MYT1L: variants seen among roughly 807,000 people sequenced by gnomAD.
The protein encoded by MYT1L is myelin transcription factor 1 like, also known as myelin transcription factor 1-like protein.
In MYT1L, 12 loss-of-function variants were observed where a neutral mutation model predicts 126.7. That is an observed-to-expected ratio of 0.09 (90% CI 0.06 to 0.15). MYT1L has a LOEUF of 0.15. Ranked by LOEUF, MYT1L falls within the 10% of genes least tolerant of loss-of-function variation. The pLI is 1.00. For missense variants in MYT1L, 979 were observed against 1,585.2 expected, an observed-to-expected ratio of 0.62 and a Z score of 6.49; for synonymous variants, 541 against 604.2, an observed-to-expected ratio of 0.90 and a Z score of 1.53.
chr2:2,295,565 C>G (rs796291323), intron 1 of MYT1L, among the ~76,000 whole-genome samples: 22 of 33,846 alleles, frequency 6.5e-4, no homozygotes, highest in African/African-American at 1.3e-3. Context: ...GACAGACAGA[C>G]AGAGAGAGAG....
At chr2:1,861,829 TCC>T (rs2044680267) in intron 18 of MYT1L, among the ~76,000 whole-genome samples, 1 of 152,104 alleles carries the variant, frequency 6.6e-6, no homozygotes, top group Non-Finnish European at 1.5e-5. Flanking sequence ...GCCTGTGTAA[TCC>T]TGGATCCGCC....
At chr2:2,289,254 T>C (rs1043941902) in intron 1 of MYT1L, among the ~76,000 whole-genome samples, 3 of 152,190 alleles carry the variant, frequency 2.0e-5, no homozygotes, top group Non-Finnish European at 4.4e-5. Context: ...TACGTTGAAG[T>C]TTTATTGCAT....
At chr2:2,197,638 C>T (rs1017355331) in intron 2 of MYT1L, among the ~76,000 whole-genome samples, 12 of 150,410 alleles carry the variant, frequency 8.0e-5, no homozygotes, top group Admixed American at 3.3e-4. Flanking sequence ...CACACACACA[C>T]GCATACAACG....
At chr2:1,849,603 C>T (rs1042738523) in intron 19 of MYT1L, among the ~76,000 whole-genome samples, 5 of 152,202 alleles carry the variant, frequency 3.3e-5, no homozygotes, top group African/African-American at 7.2e-5. Context: ...CCAGGGGTGC[C>T]GCACAGGTCC....
intron 2 of MYT1L, among the ~76,000 whole-genome samples, chr2:2,205,805 T>C (rs1360475642): frequency 6.6e-6 from 1 of 152,110 alleles, no homozygotes; most frequent in African/African-American, 2.4e-5. Flanking sequence ...TCTCTTCACA[T>C]ATGGGTTAAA....
chr2:1,867,018 TG>T (rs975054645), intron 18 of MYT1L, among the ~76,000 whole-genome samples: 1 of 34,904 alleles, frequency 2.9e-5, no homozygotes, highest in African/African-American at 1.2e-4. Flanking sequence ...TAGAGAGGGA[TG>T]GGGGAGAGAG....
intron 2 of MYT1L, among the ~76,000 whole-genome samples, chr2:2,236,379 C>A (rs527923572): frequency 1.3e-5 from 2 of 148,678 alleles, no homozygotes; most frequent in African/African-American, 5.0e-5. Context: ...CATCCCAACC[C>A]ACCCCAGTAC....
At chr2:1,931,060 C>T (rs1274126350) in intron 9 of MYT1L, among the ~76,000 whole-genome samples, 3 of 152,192 alleles carry the variant, frequency 2.0e-5, no homozygotes, top group Non-Finnish European at 1.5e-5. Flanking sequence ...CCTGTCTGCA[C>T]ACACCCTGCA....
At position 1,848,642 on chromosome 2, in the gene MYT1L, T is replaced by G. The variant is rs2148493739; in HGVS notation, c.2774+2999A>C. Among the ~76,000 whole-genome samples the G allele has an allele frequency of 6.6e-6, 1 of 152,344 alleles. No individual in the cohort carries two copies. Among genetic ancestry groups the G allele is most frequent in the Middle Eastern group, 3.4e-3 (1 of 294 alleles). ...TAACATGAAAAGAAGTTCCTCCTAC[T>G]TGCATTTCTGGCCACCAAGAGCCAA... is the stretch of plus-strand genomic sequence containing the variant. On this transcript the variant is annotated intron_variant, in intron 19 of 24. Transcript: ENST00000647738. This position sits in a 1 kb window ranked among gnomAD's most constrained non-coding sequence, Gnocchi z 4.8.
chr2:2,303,228 T>A (rs1356653575), intron 1 of MYT1L, among the ~76,000 whole-genome samples: 1 of 152,220 alleles, frequency 6.6e-6, no homozygotes, highest in East Asian at 1.9e-4. Context: ...AAAAGACTTG[T>A]TGAAAAAGCG....
chr2:2,030,465 TTTG>T (rs2066113506), intron 4 of MYT1L, among the ~76,000 whole-genome samples: 2 of 152,226 alleles, frequency 1.3e-5, no homozygotes, highest in African/African-American at 4.8e-5. Context: ...CATTCGTTCA[TTTG>T]TTATGTGTAT....
At position 1,934,263 on chromosome 2, in the gene MYT1L, GC is replaced by G. The variant is rs1002465921; in HGVS notation, c.505+8718del. On this transcript the variant is annotated intron_variant, in intron 9 of 24. Coordinates refer to ENST00000647738, the MANE Select transcript of MYT1L (RefSeq NM_001303052.2). ...GCTGGGATTACAGGCGTGGGCCACAGCCCCCCGCCTGATTTTGATTTTTATA... is the reference window on the plus strand; with the variant it reads ...GCTGGGATTACAGGCGTGGGCCACAGCCCCCGCCTGATTTTGATTTTTATA... Among the ~76,000 whole-genome samples the G allele has an allele frequency of 5.6e-4, 79 of 140,072 alleles. 2 individuals carry two copies. The highest frequency in any genetic ancestry group is 2.1e-3 in the African/African-American group (77 of 37,354). 91.9% of individuals were successfully genotyped at this position (140,072 alleles called of 152,430 possible).
chr2:1,840,088 T>C (rs886742692), intron 20 of MYT1L, among the ~76,000 whole-genome samples: 2 of 152,264 alleles, frequency 1.3e-5, no homozygotes, highest in Admixed American at 1.3e-4. Context: ...ACAGAAAAGT[T>C]TGCATTCCTC....
chr2:2,158,813 C>T (rs2087237779), intron 3 of MYT1L, among the ~76,000 whole-genome samples: 1 of 152,074 alleles, frequency 6.6e-6, no homozygotes, highest in South Asian at 2.1e-4. Flanking sequence ...ACGTGTCTTT[C>T]ACCGACAGGC....
At chr2:1,998,136 C>T (rs2062033090) in intron 4 of MYT1L, among the ~76,000 whole-genome samples, 4 of 152,158 alleles carry the variant, frequency 2.6e-5, no homozygotes, top group Admixed American at 6.5e-5. Context: ...ACTAGGTCCT[C>T]GGGGAGCCTT....
At position 2,183,832 on chromosome 2, in the gene MYT1L, AAAGG is replaced by A. The variant is rs541999048; in HGVS notation, c.-420-10848_-420-10845del. Among the ~76,000 whole-genome samples the A allele has an allele frequency of 1.7e-3, 244 of 145,938 alleles. 2 individuals carry two copies. In the South Asian group the frequency reaches 0.024, roughly 15 times the overall value. ...GGAAGGAGAGAGACAAAGGAAGAAA[AAAGG>A]AAGGAAGGAAGGAGAGGAGGGAAGG... On this transcript the variant is annotated intron_variant, in intron 2 of 24. Transcript: ENST00000647738.
intron 19 of MYT1L, among the ~76,000 whole-genome samples, chr2:1,846,740 G>T (rs553647017): frequency 6.6e-6 from 1 of 152,280 alleles, no homozygotes. Flanking sequence ...TCTATGCCCC[G>T]CATGAGAATG....
chr2:2,037,795 AC>A (rs2067046837), intron 4 of MYT1L, among the ~76,000 whole-genome samples: 1 of 146,548 alleles, frequency 6.8e-6, no homozygotes, highest in Non-Finnish European at 1.5e-5. Context: ...CCCCAAAAAA[AC>A]AAAAAAACAA....
Position 2,161,796 on chromosome 2 carries a change from T to C in MYT1L, c.-304+11076A>G, listed in dbSNP as rs151158682. ...CAGGAACTCTGCATTAATGTGCATA[T>C]GAATTTGTGGGGTACTTATTAAAAT... On this transcript the variant is annotated intron_variant, in intron 3 of 24. Transcript: ENST00000647738. Among the ~76,000 whole-genome samples, 85 of 152,290 alleles carry C rather than the reference T, an allele frequency of 5.6e-4. 2 individuals are homozygous for C. The highest frequency in any genetic ancestry group is 5.4e-3 in the South Asian group (26 of 4,826).
Sources: allele counts gnomAD v4.1 joint callset (sites outside exome capture counted in the v4.1 genomes callset), GRCh38; gene constraint gnomAD v4.1.1; non-coding constraint Gnocchi (gnomAD v3.1); transcripts MANE v1.5; gene names NCBI Gene and HGNC (gene_info 2026-07-23, HGNC 2026-07-21).